Variants in CADM1 observed in about 807,000 individuals in gnomAD.
CADM1 encodes the protein cell adhesion molecule 1, also known as TSLC-1.
A neutral mutation model predicts 53.1 loss-of-function variants in CADM1; 15 were observed. That is an observed-to-expected ratio of 0.28 (90% CI 0.19 to 0.44). The LOEUF (loss-of-function observed/expected upper bound fraction) is 0.44. CADM1 is among the 20% of genes least tolerant of loss of function. The pLI is 1.00. For synonymous variants in CADM1, 281 were observed against 243.0 expected, an observed-to-expected ratio of 1.16 and a Z score of -1.45; for missense variants, 434 against 611.3, an observed-to-expected ratio of 0.71 and a Z score of 3.06.
At chr11:115,308,793 TCCTC>T (rs759249150) in intron 1 of CADM1, among the ~76,000 whole-genome samples, 61 of 145,098 alleles carry the variant, frequency 4.2e-4, no homozygotes, top group South Asian at 1.2e-3. Flanking sequence ...CCTTCATCCT[TCCTC>T]CCTCCCTCCC....
chr11:115,353,472 A>G (rs1945788185), intron 1 of CADM1, among the ~76,000 whole-genome samples: 1 of 152,236 alleles, frequency 6.6e-6, no homozygotes, highest in Admixed American at 6.5e-5. Context: ...AATTAATTCC[A>G]TAACATTTTG....
In CADM1 at chr11:115,196,595, TAAAAAAAAAAA is replaced by T. The variant is rs61694033; in HGVS notation, c.1111+1800_1111+1810del. Among the ~76,000 whole-genome samples the T allele has an allele frequency of 8.6e-3, 663 of 76,910 alleles. 4 individuals carry two copies. The highest frequency in any genetic ancestry group is 0.032 in the African/African-American group (627 of 19,604). 50.5% of individuals were successfully genotyped at this position (76,910 alleles called of 152,430 possible). A position where few individuals can be genotyped will look rare whatever the true frequency, so the allele number is the denominator to read the frequency against. On this transcript the variant is annotated intron_variant, in intron 9 of 11. Transcript: ENST00000331581. Reference sequence around the variant, plus strand: ...ACACTAACAATGATAGCTGATGAACTAAAAAAAAAAAAAAAAAAAAAAAAATCACAAAACAA... The same window carrying T: ...ACACTAACAATGATAGCTGATGAACTAAAAAAAAAAAAAATCACAAAACAA...
chr11:115,258,520 G>A (rs1049156341), intron 1 of CADM1, among the ~76,000 whole-genome samples: 12 of 152,238 alleles, frequency 7.9e-5, no homozygotes, highest in South Asian at 2.1e-4. Flanking sequence ...TCTGTTTCCC[G>A]ACCTACTCCA....
At chr11:115,299,161 A>G (rs149289676) in intron 1 of CADM1, among the ~76,000 whole-genome samples, 61 of 152,340 alleles carry the variant, frequency 4.0e-4, no homozygotes, top group African/African-American at 1.5e-3. Context: ...CTGCCCGTGA[A>G]GTTCACTGCT....
At chr11:115,255,369 GCA>G (rs1407997885) in intron 1 of CADM1, among the ~76,000 whole-genome samples, 2 of 152,128 alleles carry the variant, frequency 1.3e-5, no homozygotes, top group African/African-American at 4.8e-5. Flanking sequence ...GCTTTGCTAT[GCA>G]GTGTTGTTGA....
intron 1 of CADM1, among the ~76,000 whole-genome samples, chr11:115,353,945 G>A (rs758488042): frequency 5.3e-5 from 8 of 152,096 alleles, no homozygotes; most frequent in Non-Finnish European, 7.4e-5. Flanking sequence ...ACTAGGCTAC[G>A]GCCAGACTGT....
chr11:115,449,050 A>G (rs1028878808), intron 1 of CADM1, among the ~76,000 whole-genome samples: 13 of 152,342 alleles, frequency 8.5e-5, no homozygotes, highest in African/African-American at 2.9e-4. Context: ...GGGAAAAAAT[A>G]TCTCATCATC....
At chr11:115,304,136 A>C (rs902536852) in intron 1 of CADM1, among the ~76,000 whole-genome samples, 1 of 152,120 alleles carries the variant, frequency 6.6e-6, no homozygotes, top group African/African-American at 2.4e-5. Flanking sequence ...GACATGTGCA[A>C]CATGGATTCA....
chr11:115,467,992 T>C (rs1948931241), intron 1 of CADM1, among the ~76,000 whole-genome samples: 2 of 152,212 alleles, frequency 1.3e-5, no homozygotes, highest in Admixed American at 1.3e-4. Flanking sequence ...AAAGTGAATA[T>C]ATTCTATAAG....
chr11:115,376,663 C>A (rs1946445019), intron 1 of CADM1, among the ~76,000 whole-genome samples: 1 of 152,212 alleles, frequency 6.6e-6, no homozygotes, highest in Non-Finnish European at 1.5e-5. Flanking sequence ...TCATAAACCA[C>A]TGATTGAGAG....
At chr11:115,233,949 T>A (rs1289026410) in intron 3 of CADM1, among the ~76,000 whole-genome samples, 4 of 152,210 alleles carry the variant, frequency 2.6e-5, no homozygotes, top group Non-Finnish European at 5.9e-5. Context: ...CCACTTTATC[T>A]GTATAACTTT....
At chr11:115,266,545 T>C (rs962795995) in intron 1 of CADM1, among the ~76,000 whole-genome samples, 1 of 152,216 alleles carries the variant, frequency 6.6e-6, no homozygotes, top group African/African-American at 2.4e-5. Flanking sequence ...GAGTGTTGTC[T>C]TCCACATTTA....
At chr11:115,294,027 G>A (rs1254807529) in intron 1 of CADM1, among the ~76,000 whole-genome samples, 1 of 152,196 alleles carries the variant, frequency 6.6e-6, no homozygotes, top group Non-Finnish European at 1.5e-5. Context: ...TGAGATTCAT[G>A]ATGGCTTCCT....
chr11:115,319,621 C>T (rs1371092756), intron 1 of CADM1, among the ~76,000 whole-genome samples: 1 of 152,138 alleles, frequency 6.6e-6, no homozygotes, highest in African/African-American at 2.4e-5. Flanking sequence ...GCTAATAAGT[C>T]ACGTAGTCAG....
intron 3 of CADM1, among the ~76,000 whole-genome samples, chr11:115,233,120 T>G (rs999498761): frequency 1.6e-4 from 24 of 152,188 alleles, no homozygotes; most frequent in East Asian, 1.2e-3. Flanking sequence ...ACATACTTCC[T>G]TAGCAAGATA....
At chr11:115,366,699 C>T (rs775233607) in intron 1 of CADM1, among the ~76,000 whole-genome samples, 22 of 151,922 alleles carry the variant, frequency 1.4e-4, no homozygotes, top group Non-Finnish European at 2.9e-4. Flanking sequence ...CCAAATAAGG[C>T]AATTTACAAA....
chr11:115,232,847 C>G (rs551760207), intron 3 of CADM1, among the ~76,000 whole-genome samples: 1 of 152,136 alleles, frequency 6.6e-6, no homozygotes, highest in Non-Finnish European at 1.5e-5. Context: ...AGTTCCGAGA[C>G]TTATGATTAA....
At chr11:115,369,749 T>C (rs1946265871) in intron 1 of CADM1, among the ~76,000 whole-genome samples, 1 of 152,176 alleles carries the variant, frequency 6.6e-6, no homozygotes, top group Non-Finnish European at 1.5e-5. Context: ...CTTTACAGGT[T>C]TCACGGGTCC....
chr11:115,448,033 G>A (rs1373439464), intron 1 of CADM1, among the ~76,000 whole-genome samples: 1 of 151,968 alleles, frequency 6.6e-6, no homozygotes, highest in African/African-American at 2.4e-5. Flanking sequence ...TACAGTTAAC[G>A]AGTCACAGTA....
Sources: allele counts gnomAD v4.1 joint callset (sites outside exome capture counted in the v4.1 genomes callset), GRCh38; gene constraint gnomAD v4.1.1; transcripts MANE v1.5; gene names NCBI Gene and HGNC (gene_info 2026-07-23, HGNC 2026-07-21).